GOLIM4: variants seen among roughly 807,000 people sequenced by gnomAD.
GOLIM4 encodes 130 kDa golgi-localized phosphoprotein.
Under a neutral mutation model 107.4 loss-of-function variants are expected in GOLIM4, and 71 were observed. The ratio of observed to expected loss-of-function variants is 0.66; its 90% CI spans 0.55 to 0.81. The LOEUF is 0.81. Among genes scored for constraint, GOLIM4 ranks in the 30% least tolerant of loss-of-function variants. GOLIM4 has a pLI of 0.00. For synonymous variants in GOLIM4, 327 were observed against 294.8 expected, an observed-to-expected ratio of 1.11 and a Z score of -1.12; for missense variants, 830 against 826.1, an observed-to-expected ratio of 1.00 and a Z score of -0.06.
In GOLIM4 at chr3:168,009,048, C is replaced by A. The variant is rs1292290692; in HGVS notation, c.*1221G>T. ...ATTTGATTATTAATACAAAACCACA[C>A]ATATATGAATTATATAACCTAGTGT... is the stretch of plus-strand genomic sequence containing the variant. On this transcript the variant is annotated 3_prime_UTR_variant, in exon 16 of 16. Transcript: ENST00000470487. The A allele has an allele frequency of 6.6e-6, 1 of 151,926 alleles. No homozygotes were observed. Among genetic ancestry groups the A allele is most frequent in the African/African-American group, 2.4e-5 (1 of 41,380 alleles). 9.4% of individuals were successfully genotyped at this position (151,926 alleles called of 1,614,324 possible).
At chr3:168,030,887 T>C (rs1718293537) in intron 9 of GOLIM4, among the ~76,000 whole-genome samples, 1 of 152,214 alleles carries the variant, frequency 6.6e-6, no homozygotes, top group Non-Finnish European at 1.5e-5. Context: ...AGGAAATTGC[T>C]ATATTGAAGA....
At position 168,095,234 on chromosome 3, in the gene GOLIM4, G is replaced by A. The variant is rs769479622; in HGVS notation, c.52C>T (p.Leu18=). The change falls in exon 1 of 16, where the codon CTG becomes TTG. Residue 18 remains leucine (L), a synonymous_variant. Coordinates refer to ENST00000470487, the MANE Select transcript of GOLIM4 (RefSeq NM_014498.5). ...RKQKRIFQTL[L]LLTVVFGFLY... is the part of the protein sequence containing the mutation. Reference sequence around the variant, plus strand: ...AAGCCGAACACGACGGTCAGCAGCAGCAGCGTCTGGAAAATCCGCTTCTGC... The same window carrying A: ...AAGCCGAACACGACGGTCAGCAGCAACAGCGTCTGGAAAATCCGCTTCTGC... 10 of 1,613,484 alleles carry A rather than the reference G, an allele frequency of 6.2e-6. No homozygotes were observed. The South Asian group carries it at 6.6e-5, about 11-fold the overall frequency.
At position 168,010,002 on chromosome 3, in the gene GOLIM4, TATTAAA is replaced by T. The variant is rs1169816442; in HGVS notation, c.*261_*266del. ...ATGAGCTTTCCAACATCACATAATC[TATTAAA>T]AAAATTGGGACGTGGGGGCTCAGGT... On this transcript the variant is annotated 3_prime_UTR_variant, in exon 16 of 16. Coordinates refer to ENST00000470487, the MANE Select transcript of GOLIM4 (RefSeq NM_014498.5). 3 of 292,050 alleles carry T rather than the reference TATTAAA, an allele frequency of 1.0e-5. No homozygotes were observed. The East Asian group carries it at 1.9e-4, about 18-fold the overall frequency. The allele number at this position is 292,050 out of a possible 1,614,324, so 18.1% of individuals were successfully genotyped here. A position where few individuals can be genotyped will look rare whatever the true frequency, so the allele number is the denominator to read the frequency against.
chr3:168,046,028 T>C (rs1719284216), intron 3 of GOLIM4, among the ~76,000 whole-genome samples: 1 of 152,160 alleles, frequency 6.6e-6, no homozygotes, highest in Admixed American at 6.6e-5. Context: ...TAGAGGCATG[T>C]GTACCATCAC....
intron 9 of GOLIM4, among the ~76,000 whole-genome samples, chr3:168,031,261 G>C (rs536215114): frequency 6.6e-6 from 1 of 152,212 alleles, no homozygotes; most frequent in African/African-American, 2.4e-5. Context: ...CCTAATGTTT[G>C]GTAGTTCAGT....
At position 168,010,519 on chromosome 3, in the gene GOLIM4, A is replaced by G. The variant is rs1453776794; in HGVS notation, c.1942-101T>C. 28 of 853,532 alleles carry G rather than the reference A, an allele frequency of 3.3e-5. 1 individual carries two copies. Among genetic ancestry groups the G allele is most frequent in the South Asian group, 2.7e-4 (15 of 54,692 alleles). The allele number at this position is 853,532 out of a possible 1,614,324, so 52.9% of individuals were successfully genotyped here. ...ATGAAAAATTACTCATTTTTGGAGG[A>G]AAAAAAAGGAAGAAAAATGATATGT... On this transcript the variant is annotated intron_variant, in intron 15 of 15. Coordinates refer to ENST00000470487, the MANE Select transcript of GOLIM4 (RefSeq NM_014498.5).
At chr3:168,044,976 T>A in intron 3 of GOLIM4, 95 bp from the exon 4 acceptor site, 1 of 692,216 alleles carries the variant, frequency 1.4e-6, no homozygotes, top group East Asian at 2.8e-5. Flanking sequence ...TTTATTTATT[T>A]CACTTGTGTA....
intron 5 of GOLIM4, among the ~76,000 whole-genome samples, chr3:168,042,147 A>G (rs1306224363): frequency 6.6e-6 from 1 of 152,174 alleles, no homozygotes; most frequent in African/African-American, 2.4e-5. Flanking sequence ...ACAGTGAACT[A>G]GACTACAAAC....
Position 168,029,055 on chromosome 3 carries a change from C to A in GOLIM4, c.1513+168G>T, listed in dbSNP as rs896012552. Among the ~76,000 whole-genome samples the A allele has an allele frequency of 3.7e-4, 57 of 152,142 alleles. 1 individual carries two copies. Among genetic ancestry groups the A allele is most frequent in the African/African-American group, 1.2e-3 (51 of 41,416 alleles). On this transcript the variant is annotated intron_variant, in intron 11 of 15. Coordinates refer to ENST00000470487, the MANE Select transcript of GOLIM4 (RefSeq NM_014498.5). Reference sequence around the variant, plus strand: ...AGATTATCTTGAGCATTTTTCACTACCAGCATGTACTGTTTAAGAGGATTA... The same window carrying A: ...AGATTATCTTGAGCATTTTTCACTAACAGCATGTACTGTTTAAGAGGATTA...
At chr3:168,088,832 G>A (rs1721755238) in intron 1 of GOLIM4, among the ~76,000 whole-genome samples, 1 of 152,090 alleles carries the variant, frequency 6.6e-6, no homozygotes, top group Non-Finnish European at 1.5e-5. Flanking sequence ...TTGTACCCCA[G>A]CCCTTTTGGA....
chr3:168,094,218 T>A (rs1215083694), intron 1 of GOLIM4, among the ~76,000 whole-genome samples: 1 of 152,234 alleles, frequency 6.6e-6, no homozygotes, highest in African/African-American at 2.4e-5. Flanking sequence ...GAATTTACAT[T>A]TAAAGTAAAT....
At chr3:168,075,224 T>C (rs1721009059) in intron 1 of GOLIM4, among the ~76,000 whole-genome samples, 1 of 151,180 alleles carries the variant, frequency 6.6e-6, no homozygotes, top group Non-Finnish European at 1.5e-5. Flanking sequence ...ACAAAGTTAA[T>C]GACAAGAAGT....
intron 1 of GOLIM4, among the ~76,000 whole-genome samples, chr3:168,074,010 T>A (rs1720954754): frequency 6.6e-6 from 1 of 152,176 alleles, no homozygotes; most frequent in South Asian, 2.1e-4. Context: ...AAAAAGTCTG[T>A]GGCTTCCATG....
rs1294898915 is a variant in GOLIM4, at chr3:168,032,688, T to C, written c.1008A>G (p.Glu336=). 1 of 1,614,108 alleles carries C rather than the reference T, an allele frequency of 6.2e-7. No homozygotes were observed. Among genetic ancestry groups the C allele is most frequent in the Admixed American group, 1.7e-5 (1 of 60,016 alleles). The stretch of plus-strand genomic sequence containing the variant: ...CCTCCAGGGCCTTTCTGTGCTCCTC[T>C]TCCACCTGATGCTCCTCAGGTTCTC... ...ERREPEEHQV[E]EEHRKALEEE... Residue 336 remains glutamate, a synonymous_variant, in exon 9 of 16, where the codon GAA becomes GAG. Transcript: ENST00000470487.
intron 15 of GOLIM4, 21 bp downstream of exon 15, chr3:168,010,721 GA>G: frequency 1.3e-6 from 2 of 1,532,862 alleles, no homozygotes; most frequent in Non-Finnish European, 1.8e-6. Context: ...GTGCTCAATA[GA>G]AATATGTATC....
In GOLIM4 at chr3:168,041,111, A is replaced by C. The variant is rs532334202; in HGVS notation, c.601-242T>G. On this transcript the variant is annotated intron_variant, in intron 6 of 15. Coordinates refer to ENST00000470487, the MANE Select transcript of GOLIM4 (RefSeq NM_014498.5). Reference sequence around the variant, plus strand: ...ACAATGAAATCAAAACCAAAGAAACAAATTTCTCATTATTAGTAAACTTTT... The same window carrying C: ...ACAATGAAATCAAAACCAAAGAAACCAATTTCTCATTATTAGTAAACTTTT... The C allele has an allele frequency of 4.7e-4, 237 of 502,026 alleles. 3 individuals are homozygous for C. The South Asian group carries it at 7.8e-3, about 16-fold the overall frequency. The allele number at this position is 502,026 out of a possible 1,614,324, so 31.1% of individuals were successfully genotyped here.
chr3:168,043,037 A>C (rs554872788), intron 5 of GOLIM4, among the ~76,000 whole-genome samples: 1 of 152,312 alleles, frequency 6.6e-6, no homozygotes, highest in East Asian at 1.9e-4. Context: ...GCAATAACTG[A>C]GAAGCATTAT....
At position 168,081,342 on chromosome 3, in the gene GOLIM4, G is replaced by A. The variant is rs183282030; in HGVS notation, c.187+13757C>T. 2.6e-5 allele frequency among the ~76,000 whole-genome samples: 4 copies of A among 152,314 alleles called. No homozygotes were observed. In the East Asian group the frequency reaches 7.7e-4, roughly 29 times the overall value. On this transcript the variant is annotated intron_variant, in intron 1 of 15. Coordinates refer to ENST00000470487, the MANE Select transcript of GOLIM4 (RefSeq NM_014498.5). ...AGACTGACAGCGGAAAGCTGCAGAGGTGAAGCAGAAATTAGTAGCATGAGC... is the reference window on the plus strand; with the variant it reads ...AGACTGACAGCGGAAAGCTGCAGAGATGAAGCAGAAATTAGTAGCATGAGC...
In GOLIM4 at chr3:168,028,293, A is replaced by G. The variant is rs147112188; in HGVS notation, c.1514-456T>C. ...AGCTCAGAAACAAATATAGCCCATCACATGTTTTCTGATGTCATCACAGTA... is the reference window on the plus strand; with the variant it reads ...AGCTCAGAAACAAATATAGCCCATCGCATGTTTTCTGATGTCATCACAGTA... On this transcript the variant is annotated intron_variant, in intron 11 of 15. Transcript: ENST00000470487. 3.8e-3 allele frequency among the ~76,000 whole-genome samples: 575 copies of G among 152,342 alleles called. 4 individuals are homozygous for G. Among genetic ancestry groups the G allele is most frequent in the African/African-American group, 0.013 (542 of 41,588 alleles).
Sources: gnomAD v4.1 joint callset for allele counts (sites outside exome capture counted in the v4.1 genomes callset) on GRCh38, gnomAD v4.1.1 for gene constraint, MANE v1.5 for transcripts, NCBI Gene and HGNC (gene_info 2026-07-23, HGNC 2026-07-21) for gene names.